ACTR10: variants seen among roughly 807,000 people sequenced by gnomAD.
ACTR10 encodes the protein actin related protein 10, also known as actin-related protein 10.
Under a neutral mutation model 56.2 loss-of-function variants are expected in ACTR10, and 43 were observed. That is an observed-to-expected ratio of 0.77 (90% CI 0.60 to 0.99). ACTR10 has a LOEUF of 0.99. Among genes scored for constraint, ACTR10 ranks in the 50% least tolerant of loss-of-function variants. The pLI is 0.00. For synonymous variants in ACTR10, 170 were observed against 176.3 expected (o/e 0.96, Z 0.28); for missense variants, 466 against 507.8 (o/e 0.92, Z 0.79).
intron 10 of ACTR10, among the ~76,000 whole-genome samples, chr14:58,230,078 T>C (rs1760082002): frequency 6.6e-6 from 1 of 151,994 alleles, no homozygotes; most frequent in Non-Finnish European, 1.5e-5. Flanking sequence ...TTTTCTCTTA[T>C]TAGGTTTGGG....
At position 58,234,460 on chromosome 14, in the gene ACTR10, G is replaced by T; in HGVS notation, c.1163G>T (p.Cys388Phe). Residue 388 changes from cysteine (C) to phenylalanine (F), a missense_variant, in exon 13 of 13, where the codon TGT (cysteine) becomes TTT (phenylalanine). Coordinates refer to ENST00000254286, the MANE Select transcript of ACTR10 (RefSeq NM_018477.3). ...CAGACGGGCCGTATACCTGATTGGTGTTCTCTCAATAACCCACCTTTGGAA... is the reference window on the plus strand; with the variant it reads ...CAGACGGGCCGTATACCTGATTGGTTTTCTCTCAATAACCCACCTTTGGAA... The part of the protein sequence containing the change: ...YNQTGRIPDW[C>F]SLNNPPLEMM... 2 of 1,613,538 alleles carry T rather than the reference G, an allele frequency of 1.2e-6. No individual in the cohort carries two copies. The highest frequency in any genetic ancestry group is 1.7e-6 in the Non-Finnish European group (2 of 1,179,708).
At chr14:58,219,944 TTCTCAATTGTA>T in intron 8 of ACTR10, among the ~76,000 whole-genome samples, 2 of 152,326 alleles carry the variant, frequency 1.3e-5, no homozygotes, top group South Asian at 4.1e-4. Flanking sequence ...CTGAAGCAGC[TTCTCAATTGTA>T]TACAGAGTAT....
At chr14:58,218,247 G>A (rs1889182918) in intron 7 of ACTR10, among the ~76,000 whole-genome samples, 1 of 152,126 alleles carries the variant, frequency 6.6e-6, no homozygotes, top group African/African-American at 2.4e-5. Context: ...GGTTCTTACA[G>A]TCAAGTTACA....
intron 8 of ACTR10, 150 bp from the exon 9 acceptor site, chr14:58,223,472 C>A: frequency 1.4e-6 from 1 of 697,550 alleles, no homozygotes; most frequent in Non-Finnish European, 2.4e-6. Context: ...TTATTGTTAG[C>A]TAACTAAAGA....
chr14:58,213,725 CA>C (rs745908459), intron 6 of ACTR10, 27 bp downstream of exon 6: 1 of 1,568,732 alleles, frequency 6.4e-7, no homozygotes, highest in Non-Finnish European at 8.8e-7. Context: ...TTAACATATT[CA>C]TTTCACCTGT....
chr14:58,201,562 G>A (rs1167338765), intron 1 of ACTR10, among the ~76,000 whole-genome samples: 1 of 152,148 alleles, frequency 6.6e-6, no homozygotes, highest in Non-Finnish European at 1.5e-5. Context: ...GAGGAGAGCA[G>A]TATCAAAAAC....
chr14:58,225,530 CA>C (rs1889376017), intron 10 of ACTR10, among the ~76,000 whole-genome samples: 1 of 151,996 alleles, frequency 6.6e-6, no homozygotes, highest in Non-Finnish European at 1.5e-5. Context: ...GACAGGGTAG[CA>C]AAAGAGTAAG....
Position 58,223,668 on chromosome 14 carries a change from A to G in ACTR10, c.681A>G (p.Gln227=), listed in dbSNP as rs752882776. ...ATCTGAAGCGAGGACTAAAAATCCAAGCAGCAAAATTTAATATTGATGGGA... is the reference window on the plus strand; with the variant it reads ...ATCTGAAGCGAGGACTAAAAATCCAGGCAGCAAAATTTAATATTGATGGGA... ...VSDLKRGLKI[Q]AAKFNIDGNN... is the part of the protein sequence containing the mutation. The change falls in exon 9 of 13, where the codon CAA becomes CAG. Residue 227 remains glutamine (Q), a synonymous_variant. Transcript: ENST00000254286. The G allele has an allele frequency of 6.2e-7, 1 of 1,613,464 alleles. No individual in the cohort carries two copies. Among genetic ancestry groups the G allele is most frequent in the South Asian group, 1.1e-5 (1 of 90,824 alleles).
intron 2 of ACTR10, among the ~76,000 whole-genome samples, chr14:58,205,530 T>C (rs1888837193): frequency 6.6e-6 from 1 of 151,988 alleles, no homozygotes; most frequent in Admixed American, 6.6e-5. Flanking sequence ...TTAGCCAGAA[T>C]GGTCTGTATC....
chr14:58,225,252 C>G (rs1189596136), intron 10 of ACTR10, among the ~76,000 whole-genome samples: 1 of 152,122 alleles, frequency 6.6e-6, no homozygotes, highest in East Asian at 1.9e-4. Flanking sequence ...CTTAGTAATT[C>G]ACCGTTTATT....
At chr14:58,232,992 T>G (rs1308467246) in intron 12 of ACTR10, among the ~76,000 whole-genome samples, 1 of 151,264 alleles carries the variant, frequency 6.6e-6, no homozygotes, top group Non-Finnish European at 1.5e-5. Context: ...TGCCTCAGCC[T>G]CCCTAGTAGC....
rs200704516 is a variant in ACTR10, at chr14:58,223,581, T to C, written c.635-41T>C. 2,269 of 1,514,174 alleles carry C rather than the reference T, an allele frequency of 1.5e-3. 4 individuals are homozygous for C. The highest frequency in any genetic ancestry group is 1.9e-3 in the Non-Finnish European group (2,136 of 1,107,126). The allele number at this position is 1,514,174 out of a possible 1,614,324, so 93.8% of individuals were successfully genotyped here. ...GGTGTAGGTACACTCTGTTCAATTA[T>C]AATAACTAGCCATAATAAGGTCTCC... On this transcript the variant is annotated intron_variant, in intron 8 of 12. Transcript: ENST00000254286.
intron 1 of ACTR10, among the ~76,000 whole-genome samples, 161 bp downstream of exon 1, chr14:58,200,455 C>T (rs894844038): frequency 6.6e-6 from 1 of 152,216 alleles, no homozygotes; most frequent in African/African-American, 2.4e-5. Flanking sequence ...TTATTTCCTC[C>T]CTGGGCGATG....
rs757909069 is a variant in ACTR10 at position 58,200,187 on chromosome 14, C to A, written c.-31C>A. On this transcript the variant is annotated 5_prime_UTR_variant, in exon 1 of 13. Transcript: ENST00000254286. Reference sequence around the variant, plus strand: ...CGAGACTTGTTGGCCGCGGAGACTGCGACCCTCTTCTCTCAGTCTGCCTTA... The same window carrying A: ...CGAGACTTGTTGGCCGCGGAGACTGAGACCCTCTTCTCTCAGTCTGCCTTA... The A allele has an allele frequency of 1.3e-6, 2 of 1,485,032 alleles. No individual in the cohort carries two copies. The highest frequency in any genetic ancestry group is 1.8e-6 in the Non-Finnish European group (2 of 1,110,642). 92.0% of individuals were successfully genotyped at this position (1,485,032 alleles called of 1,614,324 possible).
intron 10 of ACTR10, among the ~76,000 whole-genome samples, chr14:58,224,483 G>T (rs1889353145): frequency 1.3e-5 from 2 of 152,036 alleles, no homozygotes; most frequent in African/African-American, 4.8e-5. Flanking sequence ...CTGACCTCAG[G>T]TGATCCACCC....
intron 8 of ACTR10, among the ~76,000 whole-genome samples, chr14:58,220,742 G>A (rs1367335798): frequency 1.3e-5 from 2 of 152,194 alleles, no homozygotes; most frequent in Admixed American, 6.5e-5. Context: ...GTAGGAAAAT[G>A]GATGTTTATT....
chr14:58,225,222 A>C (rs1181723028), intron 10 of ACTR10, among the ~76,000 whole-genome samples: 1 of 152,172 alleles, frequency 6.6e-6, no homozygotes, highest in Non-Finnish European at 1.5e-5. Flanking sequence ...CATTTTTCCA[A>C]ATATACTCAG....
intron 11 of ACTR10, among the ~76,000 whole-genome samples, chr14:58,231,620 T>C (rs10130183): frequency 0.24 from 36,075 of 152,128 alleles, 4,824 homozygotes; most frequent in Middle Eastern, 0.34. Flanking sequence ...AACCATAATT[T>C]TTCTAGGAGT....
Position 58,213,668 on chromosome 14 carries a change from C to T in ACTR10, c.488C>T (p.Ala163Val). 1 of 1,612,346 alleles carries T rather than the reference C, an allele frequency of 6.2e-7. No homozygotes were observed. Among genetic ancestry groups the T allele is most frequent in the Non-Finnish European group, 8.5e-7 (1 of 1,178,910 alleles). Residue 163 changes from alanine (A) to valine (V), a missense_variant, in exon 6 of 13, where the codon GCA becomes GTA. Physicochemically the swap from Ala to Val is moderately conservative, Grantham distance 64. Coordinates refer to ENST00000254286, the MANE Select transcript of ACTR10 (RefSeq NM_018477.3). The part of the protein sequence containing the change: ...EGIPVLNCWG[A>V]LPLGGKALHK... ...ATCCCAGTTCTAAATTGTTGGGGAGCACTACCCCTAGGAGGAAAAGCTCTT... is the reference window on the plus strand; with the variant it reads ...ATCCCAGTTCTAAATTGTTGGGGAGTACTACCCCTAGGAGGAAAAGCTCTT...
Sources: allele counts gnomAD v4.1 joint callset (sites outside exome capture counted in the v4.1 genomes callset), GRCh38; gene constraint gnomAD v4.1.1; transcripts MANE v1.5; gene names NCBI Gene and HGNC (gene_info 2026-07-23, HGNC 2026-07-21).